Variants in SEC14L5 observed in about 807,000 individuals in gnomAD.
SEC14L5 encodes the protein SEC14-like protein 5.
SEC14L5 carries 96 observed loss-of-function variants against 84.6 expected under a neutral mutation model. That is an observed-to-expected ratio of 1.13 (90% CI 0.96 to 1.34). SEC14L5 has a LOEUF of 1.34. Among genes scored for constraint, SEC14L5 ranks in the 40% most tolerant of loss-of-function variants. The pLI, the probability that SEC14L5 is intolerant of heterozygous loss-of-function variation, is 0.00. For missense variants in SEC14L5, 1,224 were observed against 942.5 expected, an observed-to-expected ratio of 1.30 and a Z score of -3.91; for synonymous variants, 546 against 383.4, an observed-to-expected ratio of 1.42 and a Z score of -4.95.
intron 7 of SEC14L5, 145 bp downstream of exon 7, chr16:4,996,605 A>G: frequency 1.6e-6 from 1 of 625,970 alleles, no homozygotes; most frequent in Non-Finnish European, 2.9e-6. Flanking sequence ...TTTCTGTGAG[A>G]CAAAGTCTCA....
At chr16:4,973,146 T>A (rs902518153) in intron 2 of SEC14L5, among the ~76,000 whole-genome samples, 4 of 152,196 alleles carry the variant, frequency 2.6e-5, no homozygotes, top group Non-Finnish European at 5.9e-5. Flanking sequence ...AGAGGTTGCT[T>A]TGAGAGCATC....
intron 10 of SEC14L5, among the ~76,000 whole-genome samples, chr16:5,001,492 C>G (rs532073096): frequency 7.9e-5 from 12 of 152,136 alleles, no homozygotes; most frequent in Admixed American, 7.2e-4. Flanking sequence ...GTCTCCTGAC[C>G]TCGTGATCCG....
Position 5,003,589 on chromosome 16 carries a change from T to C in SEC14L5, c.1302+16T>C. 1.5e-6 allele frequency: 1 copy of C among 657,502 alleles called. No homozygotes were observed. The highest frequency in any genetic ancestry group is 1.7e-5 in the South Asian group (1 of 59,248). 40.7% of individuals were successfully genotyped at this position (657,502 alleles called of 1,614,324 possible). ...CTGGACACTGGTAAGAGCTGGAGCC[T>C]GGGCCAGGACTCTCCCTGGGGGTGG... On this transcript the variant is annotated intron_variant, in intron 11 of 15. Transcript: ENST00000251170.
rs1955875994 is a variant in SEC14L5 at position 5,016,456 on chromosome 16, C to T, written c.*1486C>T. The stretch of plus-strand genomic sequence containing the variant: ...TTTGGGAGCACCAGCAGAATGGGGT[C>T]ACTATTGTTGCATGAAGACAACACC... On this transcript the variant is annotated 3_prime_UTR_variant, in exon 16 of 16. Coordinates refer to ENST00000251170, the MANE Select transcript of SEC14L5 (RefSeq NM_014692.2). 1.3e-5 allele frequency: 2 copies of T among 152,256 alleles called. No homozygotes were observed. Among genetic ancestry groups the T allele is most frequent in the Admixed American group, 1.3e-4 (2 of 15,280 alleles). 9.4% of individuals were successfully genotyped at this position (152,256 alleles called of 1,614,324 possible). A position where few individuals can be genotyped will look rare whatever the true frequency, so the allele number is the denominator to read the frequency against.
At chr16:4,959,245 C>T (rs1429168614) in intron 1 of SEC14L5, 28 bp from the exon 2 acceptor site, 2 of 1,152,910 alleles carry the variant, frequency 1.7e-6, no homozygotes, top group African/African-American at 1.5e-5. Flanking sequence ...GTGGGAGCTG[C>T]AACCTCACCA....
At position 5,005,920 on chromosome 16, in the gene SEC14L5, C is replaced by G. The variant is rs1346354675; in HGVS notation, c.1309C>G (p.Pro437Ala). 6.3e-6 allele frequency: 10 copies of G among 1,590,948 alleles called. No individual in the cohort carries two copies. In the Admixed American group the frequency reaches 7.2e-5, roughly 12 times the overall value. The stretch of plus-strand genomic sequence containing the variant: ...CCTTATGTCCTGGTTTCAGATCAGC[C>G]CCTTCATCAATGAGAACACCAGGCG... ...VFPVLWTLIS[P>A]FINENTRRKF... Residue 437 changes from proline to alanine, a missense_variant, in exon 12 of 16, where the codon CCC (proline) becomes GCC (alanine). Transcript: ENST00000251170.
intron 11 of SEC14L5, among the ~76,000 whole-genome samples, chr16:5,004,823 C>T (rs186205933): frequency 1.2e-3 from 182 of 152,258 alleles, no homozygotes; most frequent in African/African-American, 4.2e-3. Flanking sequence ...GCTTAGAGCT[C>T]AGTGTTAAAA....
chr16:4,965,782 A>G lies in SEC14L5; in HGVS notation c.63+6396A>G, dbSNP rs925987412. ...TAAGGCCAGTTGTGGTGGCTCACGC[A>G]TGTAATCCCAGCACTTTAGGAGGCC... On this transcript the variant is annotated intron_variant, in intron 2 of 15. Transcript: ENST00000251170. Among the ~76,000 whole-genome samples, 12 of 148,760 alleles carry G rather than the reference A, an allele frequency of 8.1e-5. No individual in the cohort carries two copies. The South Asian group carries it at 1.7e-3, about 21-fold the overall frequency.
intron 2 of SEC14L5, among the ~76,000 whole-genome samples, chr16:4,971,487 C>T (rs1955279264): frequency 6.6e-6 from 1 of 151,996 alleles, no homozygotes; most frequent in Non-Finnish European, 1.5e-5. Context: ...CAACAACAAC[C>T]AAAAAAACTG....
At chr16:5,003,370 G>T in intron 10 of SEC14L5, 32 bp from the exon 11 acceptor site, 1 of 1,594,138 alleles carries the variant, frequency 6.3e-7, no homozygotes. Flanking sequence ...AGGCAGCAGA[G>T]CCAGGTGGAG....
intron 2 of SEC14L5, among the ~76,000 whole-genome samples, chr16:4,962,905 C>A (rs1025378757): frequency 6.6e-6 from 1 of 152,156 alleles, no homozygotes; most frequent in African/African-American, 2.4e-5. Context: ...CTCAACGTAA[C>A]TTGCACACTG....
chr16:4,961,041 G>C (rs796411875), intron 2 of SEC14L5, among the ~76,000 whole-genome samples: 1 of 152,256 alleles, frequency 6.6e-6, no homozygotes, highest in South Asian at 2.1e-4. Flanking sequence ...GGAGGCCGAG[G>C]TGGGTGGATC....
At chr16:4,987,975 G>T (rs187993350) in intron 3 of SEC14L5, among the ~76,000 whole-genome samples, 174 bp from the exon 4 acceptor site, 8 of 152,120 alleles carry the variant, frequency 5.3e-5, no homozygotes, top group East Asian at 1.9e-4. Flanking sequence ...ATGGGTTGGC[G>T]GCAGGGCGGA....
chr16:4,980,079 G>T (rs992303512), intron 2 of SEC14L5, among the ~76,000 whole-genome samples: 2 of 152,202 alleles, frequency 1.3e-5, no homozygotes, highest in African/African-American at 4.8e-5. Flanking sequence ...ATGTGCTGCT[G>T]GGCGAGTCAC....
chr16:5,001,733 A>G (rs1027575371), intron 10 of SEC14L5, among the ~76,000 whole-genome samples: 1 of 151,920 alleles, frequency 6.6e-6, no homozygotes, highest in Non-Finnish European at 1.5e-5. Flanking sequence ...CCCCAAAGGC[A>G]GCAAACCTTT....
chr16:4,961,061 G>A (rs1474270616), intron 2 of SEC14L5, among the ~76,000 whole-genome samples: 1 of 152,140 alleles, frequency 6.6e-6, no homozygotes, highest in Non-Finnish European at 1.5e-5. Flanking sequence ...CACAAGGTCA[G>A]GAGATCAAGA....
At chr16:4,975,924 T>C (rs1018265067) in intron 2 of SEC14L5, among the ~76,000 whole-genome samples, 3 of 152,134 alleles carry the variant, frequency 2.0e-5, no homozygotes, top group African/African-American at 7.2e-5. Context: ...TTGGTGCAGC[T>C]TGGATATTCT....
chr16:4,982,534 C>T (rs558876903), intron 2 of SEC14L5, among the ~76,000 whole-genome samples: 24 of 152,144 alleles, frequency 1.6e-4, no homozygotes, highest in Middle Eastern at 3.2e-3. Flanking sequence ...GACCTCCGCC[C>T]GCACAGAAGC....
At position 5,015,600 on chromosome 16, in the gene SEC14L5, A is replaced by C. The variant is rs1158055773; in HGVS notation, c.*630A>C. ...CCTGGATCACATGCACATCTCTGGA[A>C]CCAACCACCTGCTCTCAAAAGCACT... is the stretch of plus-strand genomic sequence containing the variant. On this transcript the variant is annotated 3_prime_UTR_variant, in exon 16 of 16. Transcript: ENST00000251170. 1.3e-5 allele frequency: 2 copies of C among 152,838 alleles called. No homozygotes were observed. Among genetic ancestry groups the C allele is most frequent in the East Asian group, 1.9e-4 (1 of 5,200 alleles). The allele number at this position is 152,838 out of a possible 1,614,324, so 9.5% of individuals were successfully genotyped here.
Sources: gnomAD v4.1 joint callset for allele counts (sites outside exome capture counted in the v4.1 genomes callset) on GRCh38, gnomAD v4.1.1 for gene constraint, MANE v1.5 for transcripts, NCBI Gene and HGNC (gene_info 2026-07-23, HGNC 2026-07-21) for gene names.